C3orf20: variants seen among roughly 807,000 people sequenced by gnomAD.
C3orf20 encodes the protein uncharacterized protein C3orf20.
In C3orf20, 76 loss-of-function variants were observed where a neutral mutation model predicts 88.3. That is an observed-to-expected ratio of 0.86 (90% confidence interval 0.72 to 1.04). The LOEUF (loss-of-function observed/expected upper bound fraction) is 1.04, where lower values mean the gene tolerates loss of function less well. Ranked by LOEUF, C3orf20 falls within the 50% of genes least tolerant of loss-of-function variation. The pLI, the probability that C3orf20 is intolerant of heterozygous loss-of-function variation, is 0.00. For synonymous variants in C3orf20, 436 were observed against 437.4 expected (o/e 1.00, Z 0.04); for missense variants, 1,056 against 1,123.3 (o/e 0.94, Z 0.86).
At chr3:14,760,470 G>A (rs897300214) in intron 14 of C3orf20, among the ~76,000 whole-genome samples, 6 of 152,108 alleles carry the variant, frequency 3.9e-5, no homozygotes, top group African/African-American at 1.4e-4. Context: ...ACATTTTGGT[G>A]TCTGACCTTT....
chr3:14,759,588 A>G (rs1021361482), intron 13 of C3orf20, among the ~76,000 whole-genome samples: 1 of 152,210 alleles, frequency 6.6e-6, no homozygotes, highest in Non-Finnish European at 1.5e-5. Flanking sequence ...CTCCAGGGCA[A>G]GGGAGCAGTC....
rs531137166 is a variant in C3orf20, at chr3:14,717,696, C to T, written c.1434+2287C>T. Among the ~76,000 whole-genome samples, 5 of 152,070 alleles carry T rather than the reference C, an allele frequency of 3.3e-5. No homozygotes were observed. In the East Asian group the frequency reaches 9.7e-4, roughly 29 times the overall value. ...TTACTCTCTGAAGATCCAAGTTTCCCTCTGGTACCATTTCTCTTCAGCCTG... is the reference window on the plus strand; with the variant it reads ...TTACTCTCTGAAGATCCAAGTTTCCTTCTGGTACCATTTCTCTTCAGCCTG... On this transcript the variant is annotated intron_variant, in intron 9 of 16. Transcript: ENST00000253697.
At chr3:14,722,368 A>T in intron 10 of C3orf20, 1 of 423,562 alleles carries the variant, frequency 2.4e-6, no homozygotes, top group Non-Finnish European at 4.8e-6. Context: ...GCTCCCATTG[A>T]CTAGGCTTGA....
At chr3:14,681,803 A>C (rs111434978) in intron 1 of C3orf20, among the ~76,000 whole-genome samples, 1 of 152,178 alleles carries the variant, frequency 6.6e-6, no homozygotes, top group Non-Finnish European at 1.5e-5. Context: ...AGGTTTTTCT[A>C]GCCATTTTTT....
intron 7 of C3orf20, among the ~76,000 whole-genome samples, chr3:14,713,122 T>A (rs2033813316): frequency 6.6e-6 from 1 of 152,234 alleles, no homozygotes; most frequent in Non-Finnish European, 1.5e-5. Context: ...TTATAATGTG[T>A]CTCAATGAGA....
At chr3:14,762,907 G>T (rs1220250176) in intron 15 of C3orf20, among the ~76,000 whole-genome samples, 1 of 152,186 alleles carries the variant, frequency 6.6e-6, no homozygotes, top group Non-Finnish European at 1.5e-5. Flanking sequence ...CATGCCAAGT[G>T]ACCCCCACAA....
intron 7 of C3orf20, among the ~76,000 whole-genome samples, chr3:14,710,879 A>G (rs889930380): frequency 7.2e-6 from 1 of 139,200 alleles, no homozygotes; most frequent in African/African-American, 2.7e-5. Flanking sequence ...CAAGTCCTCT[A>G]TTTCTTTCTT....
chr3:14,721,880 C>G, intron 10 of C3orf20, 96 bp downstream of exon 10: 1 of 1,485,676 alleles, frequency 6.7e-7, no homozygotes, highest in Admixed American at 1.8e-5. Flanking sequence ...TTACTCCCCA[C>G]CACCCTTCCA....
intron 4 of C3orf20, among the ~76,000 whole-genome samples, chr3:14,684,906 A>G (rs1341054028): frequency 6.6e-5 from 10 of 152,324 alleles, no homozygotes; most frequent in African/African-American, 2.4e-4. Context: ...TATTGCAGGC[A>G]GGCATGGTGG....
chr3:14,759,618 G>A (rs998436125), intron 13 of C3orf20, among the ~76,000 whole-genome samples: 1 of 152,208 alleles, frequency 6.6e-6, no homozygotes, highest in Non-Finnish European at 1.5e-5. Flanking sequence ...GGACCCCAGA[G>A]AGCCAGGCTA....
Position 14,721,725 on chromosome 3 carries a change from A to G in C3orf20, c.1507A>G (p.Thr503Ala), listed in dbSNP as rs2034169649. The G allele has an allele frequency of 6.2e-7, 1 of 1,614,088 alleles. No homozygotes were observed. Among genetic ancestry groups the G allele is most frequent in the African/African-American group, 1.3e-5 (1 of 74,928 alleles). The change falls in exon 10 of 17, where the codon ACA (threonine) becomes GCA (alanine). Residue 503 changes from threonine (T) to alanine (A), a missense_variant. Coordinates refer to ENST00000253697, the MANE Select transcript of C3orf20 (RefSeq NM_032137.5). ...ITVTFTSLNE[T>A]VTLTVSANNC... ...AGTCACCTTCACCTCCCTGAATGAG[A>G]CAGTAACACTCACTGTGTCGGCCAA...
At position 14,757,431 on chromosome 3, in the gene C3orf20, G is replaced by A. The variant is rs375154586; in HGVS notation, c.2001G>A (p.Pro667=). The A allele has an allele frequency of 4.3e-6, 7 of 1,612,120 alleles. No individual in the cohort carries two copies. The highest frequency in any genetic ancestry group is 5.1e-6 in the Non-Finnish European group (6 of 1,179,904). The change falls in exon 13 of 17, where the codon CCG becomes CCA. Residue 667 remains proline (P), a synonymous_variant. Transcript: ENST00000253697. The part of the protein sequence containing the change: ...TRWAALPSDC[P]LVLRKLMLKE... ...GGGCGGCCTTGCCCTCAGACTGCCCGCTGGTGCTGCGGAAGCTCATGCTCA... is the reference window on the plus strand; with the variant it reads ...GGGCGGCCTTGCCCTCAGACTGCCCACTGGTGCTGCGGAAGCTCATGCTCA...
chr3:14,680,001 CAAAAAGG>C (rs1197504833), intron 1 of C3orf20, among the ~76,000 whole-genome samples: 1 of 152,048 alleles, frequency 6.6e-6, no homozygotes, highest in African/African-American at 2.4e-5. Context: ...GCACTAGAGT[CAAAAAGG>C]CATAATAACA....
chr3:14,711,627 CT>C (rs35966332), intron 7 of C3orf20, among the ~76,000 whole-genome samples: 68 of 72,620 alleles, frequency 9.4e-4, no homozygotes, highest in Middle Eastern at 9.1e-3. Context: ...ATCCTGCCAG[CT>C]TTTTTTTTTT....
At chr3:14,722,322 T>G in intron 10 of C3orf20, 1 of 381,334 alleles carries the variant, frequency 2.6e-6, no homozygotes, top group South Asian at 1.9e-5. Flanking sequence ...TAACTGCCCA[T>G]GCGTGAAACA....
In C3orf20 at chr3:14,738,524, G is replaced by A. The variant is rs183572341; in HGVS notation, c.1940+9836G>A. ...TTTGTATTTTTTTTAGTACAGATGG[G>A]GTTTCACCATGTTAGCTAGGATGGT... On this transcript the variant is annotated intron_variant, in intron 12 of 16. Coordinates refer to ENST00000253697, the MANE Select transcript of C3orf20 (RefSeq NM_032137.5). 1.5e-3 allele frequency among the ~76,000 whole-genome samples: 229 copies of A among 151,486 alleles called. 3 individuals are homozygous for A. The highest frequency in any genetic ancestry group is 0.014 in the Admixed American group (220 of 15,218).
At chr3:14,720,539 T>C (rs1054458157) in intron 9 of C3orf20, among the ~76,000 whole-genome samples, 1 of 24,140 alleles carries the variant, frequency 4.1e-5, no homozygotes, top group East Asian at 1.4e-3. Context: ...GAGTGGTTGT[T>C]GTTGTTGTTG....
Position 14,698,297 on chromosome 3 carries a change from T to C in C3orf20, c.746-4833T>C, listed in dbSNP as rs1415593398. On this transcript the variant is annotated intron_variant, in intron 5 of 16. Coordinates refer to ENST00000253697, the MANE Select transcript of C3orf20 (RefSeq NM_032137.5). ...TCACTGGTGCCTTATTTAGTTCATT[T>C]TGTGAAATCATGTCTTCCTGGATGG... Among the ~76,000 whole-genome samples, 3 of 152,264 alleles carry C rather than the reference T, an allele frequency of 2.0e-5. No homozygotes were observed. In the East Asian group the frequency reaches 5.8e-4, roughly 29 times the overall value.
At chr3:14,745,897 A>G (rs923448275) in intron 12 of C3orf20, among the ~76,000 whole-genome samples, 10 of 152,230 alleles carry the variant, frequency 6.6e-5, no homozygotes, top group African/African-American at 1.2e-4. Flanking sequence ...AGAATTTAAT[A>G]TACTCACAGC....
Sources: allele counts gnomAD v4.1 joint callset (sites outside exome capture counted in the v4.1 genomes callset), GRCh38; gene constraint gnomAD v4.1.1; transcripts MANE v1.5; gene names NCBI Gene and HGNC (gene_info 2026-07-23, HGNC 2026-07-21).